Variants in BRI3 observed in about 807,000 individuals in gnomAD.
The protein encoded by BRI3 is membrane protein BRI3.
Under a neutral mutation model 12.8 loss-of-function variants are expected in BRI3, and 6 were observed. The observed-to-expected ratio is 0.47, with a 90% confidence interval of 0.26 to 0.93. BRI3 has a LOEUF of 0.93. BRI3 is among the 40% of genes least tolerant of loss of function. BRI3 has a pLI of 0.15. For missense variants in BRI3, 134 were observed against 171.1 expected (o/e 0.78, Z 1.21); for synonymous variants, 91 against 76.1 (o/e 1.20, Z -1.02).
chr7:98,298,208 C>A (rs903760667), intron 1 of BRI3, among the ~76,000 whole-genome samples: 4 of 152,244 alleles, frequency 2.6e-5, no homozygotes, highest in African/African-American at 9.6e-5. Flanking sequence ...AGCTGTGGGG[C>A]TTCCCAGGTG....
the BRI3 span, chr7:98,315,468 GATA>G: frequency 6.8e-7 from 1 of 1,477,994 alleles, no homozygotes; most frequent in East Asian, 2.5e-5. Context: ...ACCTGTAAGT[GATA>G]ATAATGTATG....
At chr7:98,297,301 G>A (rs184448673), downstream of BRI3, among the ~76,000 whole-genome samples, 297 of 152,320 alleles carry the variant, frequency 1.9e-3, no homozygotes, top group Non-Finnish European at 3.6e-3. Context: ...GAGCTTCCAG[G>A]GTGCCCACCA....
intron 1 of BRI3, among the ~76,000 whole-genome samples, chr7:98,299,844 C>T (rs1051880722): frequency 2.0e-5 from 3 of 151,950 alleles, no homozygotes; most frequent in Non-Finnish European, 4.4e-5. Context: ...AGTTCGAGAC[C>T]AGCCTGGCCA....
chr7:98,290,403 G>A (rs1056663105), intron 2 of BRI3, among the ~76,000 whole-genome samples: 5 of 151,538 alleles, frequency 3.3e-5, no homozygotes, highest in African/African-American at 1.2e-4. Context: ...CACCTTGTTA[G>A]CCAGGATGGT....
At chr7:98,288,838 C>T (rs779791538) in intron 2 of BRI3, among the ~76,000 whole-genome samples, 24 of 151,904 alleles carry the variant, frequency 1.6e-4, no homozygotes, top group African/African-American at 2.2e-4. Context: ...TTAAGCGATC[C>T]GCCTCAGCTT....
chr7:98,314,629 G>C (rs1431462641), downstream of BRI3, among the ~76,000 whole-genome samples: 1 of 152,192 alleles, frequency 6.6e-6, no homozygotes, highest in Non-Finnish European at 1.5e-5. Context: ...GAATAAACCA[G>C]GAACCAATAC....
rs1554406193 is a variant in BRI3, at chr7:98,281,752, ACCGAG to A, written c.-35_-31del. On this transcript the variant is annotated 5_prime_UTR_variant, in exon 1 of 3. Coordinates refer to ENST00000297290, the MANE Select transcript of BRI3 (RefSeq NM_015379.5). ...GCCGCCGCGTCCCCCGCCGGGGCCG[ACCGAG>A]CCGAGCCGGGCCGGAGCGGCGGGCG... 1 of 974,138 alleles carries A rather than the reference ACCGAG, an allele frequency of 1.0e-6. No homozygotes were observed. The highest frequency in any genetic ancestry group is 4.7e-5 in the South Asian group (1 of 21,340). The allele number at this position is 974,138 out of a possible 1,614,324, so 60.3% of individuals were successfully genotyped here.
At chr7:98,293,455 A>C, downstream of BRI3, 2 of 1,456,528 alleles carry the variant, frequency 1.4e-6, no homozygotes, top group Non-Finnish European at 1.9e-6. Flanking sequence ...CACGTGGCAG[A>C]CAGGATGCGC....
downstream of BRI3, chr7:98,294,158 TTAA>T: frequency 6.3e-7 from 1 of 1,592,744 alleles, no homozygotes; most frequent in Non-Finnish European, 8.6e-7. Context: ...AATTGGTCTT[TTAA>T]AAATTATTTT....
At chr7:98,294,948 G>A (rs531393140), downstream of BRI3, among the ~76,000 whole-genome samples, 2 of 152,126 alleles carry the variant, frequency 1.3e-5, no homozygotes, top group South Asian at 2.1e-4. Context: ...AGCCTGGAGG[G>A]TTTAACACTC....
At chr7:98,305,116 C>G (rs1326217339), upstream of BRI3, among the ~76,000 whole-genome samples, 1 of 131,950 alleles carries the variant, frequency 7.6e-6, no homozygotes, top group Non-Finnish European at 1.5e-5. Context: ...GTCTTGAACT[C>G]TTGATCTCAG....
downstream of BRI3, chr7:98,312,346 A>G (rs150368857): frequency 5.7e-5 from 82 of 1,430,022 alleles, no homozygotes; most frequent in African/African-American, 1.1e-3. Flanking sequence ...CATATCGCTG[A>G]TAACAGATTA....
intron 2 of BRI3, among the ~76,000 whole-genome samples, chr7:98,290,567 C>T (rs1203615084): frequency 1.3e-5 from 2 of 152,116 alleles, no homozygotes; most frequent in East Asian, 1.9e-4. Flanking sequence ...GGCTTAATCT[C>T]GGCTCACTGC....
chr7:98,299,709 C>T (rs1294420614), intron 1 of BRI3, among the ~76,000 whole-genome samples: 1 of 152,166 alleles, frequency 6.6e-6, no homozygotes, highest in Non-Finnish European at 1.5e-5. Context: ...CTATTCCTAA[C>T]TGTCCAATGT....
intron 1 of BRI3, among the ~76,000 whole-genome samples, chr7:98,298,595 A>G (rs1562963300): frequency 1.3e-5 from 2 of 152,044 alleles, no homozygotes; most frequent in African/African-American, 4.8e-5. Flanking sequence ...CCTGGGTGAC[A>G]GAGCAAGACT....
the BRI3 span, among the ~76,000 whole-genome samples, chr7:98,322,008 A>C: frequency 2.0e-5 from 3 of 152,118 alleles, no homozygotes; most frequent in Admixed American, 1.3e-4. Context: ...AGGTGGGAGA[A>C]CTGCTTGAAC....
the BRI3 span, chr7:98,317,393 A>C: frequency 6.2e-7 from 1 of 1,608,540 alleles, no homozygotes; most frequent in Non-Finnish European, 8.5e-7. Context: ...TTACTGTGGC[A>C]CCACACGAAT....
the BRI3 span, chr7:98,317,359 G>GT: frequency 6.2e-7 from 1 of 1,613,268 alleles, no homozygotes; most frequent in South Asian, 1.1e-5. Context: ...AGAGTTGCCT[G>GT]TAAGTTAAAT....
chr7:98,289,090 T>C (rs1472120031), intron 2 of BRI3, among the ~76,000 whole-genome samples: 1 of 152,154 alleles, frequency 6.6e-6, no homozygotes, highest in Non-Finnish European at 1.5e-5. Context: ...CCCGAGTAGC[T>C]GGGATTACAG....
Sources: gnomAD v4.1 joint callset for allele counts (sites outside exome capture counted in the v4.1 genomes callset) on GRCh38, gnomAD v4.1.1 for gene constraint, MANE v1.5 for transcripts, NCBI Gene and HGNC (gene_info 2026-07-23, HGNC 2026-07-21) for gene names.